Variants in RAE1 observed in about 807,000 individuals in gnomAD.
The protein encoded by RAE1 is ribonucleic acid export 1.
In RAE1, 13 loss-of-function variants were observed where a neutral mutation model predicts 52.7. The observed-to-expected ratio is 0.25, with a 90% confidence interval of 0.16 to 0.39. The LOEUF is 0.39. RAE1 is among the 10% of genes least tolerant of loss of function. The probability of loss-of-function intolerance (pLI) is 1.00; values close to 1 mark genes in which losing one functional copy is unlikely to be tolerated. For missense variants in RAE1, 262 were observed against 459.8 expected (o/e 0.57, Z 3.93); for synonymous variants, 164 against 153.1 (o/e 1.07, Z -0.52).
chr20:57,367,187 T>C, intron 7 of RAE1, 108 bp downstream of exon 7: 1 of 962,044 alleles, frequency 1.0e-6, no homozygotes, highest in Admixed American at 2.5e-5. Flanking sequence ...AAAATCCTGC[T>C]AGCTTTAGTA....
chr20:57,369,502 C>T (rs2067004213), intron 8 of RAE1, among the ~76,000 whole-genome samples: 1 of 152,222 alleles, frequency 6.6e-6, no homozygotes, highest in South Asian at 2.1e-4. Context: ...TGCAGATCTC[C>T]CCACCAAAGA....
Position 57,378,603 on chromosome 20 carries a change from C to T in RAE1, c.*504C>T, listed in dbSNP as rs1271900273. 2 of 153,216 alleles carry T rather than the reference C, an allele frequency of 1.3e-5. No individual in the cohort carries two copies. Among genetic ancestry groups the T allele is most frequent in the African/African-American group, 4.8e-5 (2 of 41,472 alleles). 9.5% of individuals were successfully genotyped at this position (153,216 alleles called of 1,614,324 possible). ...GCAACCTTAGGGGAAAGGGAGTCCC[C>T]AGCTGCGCTCACTTCTGCTGCGCGG... On this transcript the variant is annotated 3_prime_UTR_variant, in exon 12 of 12. Transcript: ENST00000395841.
At position 57,375,801 on chromosome 20, in the gene RAE1, T is replaced by G. The variant is rs940336217; in HGVS notation, c.1020+1000T>G. Among the ~76,000 whole-genome samples the G allele has an allele frequency of 2.6e-5, 4 of 152,354 alleles. No homozygotes were observed. In the South Asian group the frequency reaches 8.3e-4, roughly 32 times the overall value. ...CCAGTCCAGAAGCTTCCTTTCTGTC[T>G]GTGCCGGTCACTCACCCGTCCCTTC... On this transcript the variant is annotated intron_variant, in intron 11 of 11. Transcript: ENST00000395841.
intron 3 of RAE1, among the ~76,000 whole-genome samples, 174 bp from the exon 4 acceptor site, chr20:57,356,272 A>G (rs978965363): frequency 1.3e-5 from 2 of 152,384 alleles, no homozygotes; most frequent in Non-Finnish European, 2.9e-5. Flanking sequence ...AGCTTAGGCG[A>G]AGAAAACAGT....
intron 5 of RAE1, among the ~76,000 whole-genome samples, chr20:57,365,781 T>C (rs890018781): frequency 3.3e-5 from 5 of 152,224 alleles, no homozygotes; most frequent in Non-Finnish European, 5.9e-5. Flanking sequence ...ATGGCTGGTC[T>C]TCTACCAACT....
chr20:57,374,838 C>T, intron 11 of RAE1, 37 bp downstream of exon 11: 10 of 1,609,602 alleles, frequency 6.2e-6, no homozygotes, highest in Non-Finnish European at 8.5e-6. Flanking sequence ...TGCTCCAAGG[C>T]AGCAGAGCCA....
intron 1 of RAE1, 110 bp from the exon 2 acceptor site, chr20:57,353,922 T>C: frequency 1.1e-6 from 1 of 918,384 alleles, no homozygotes; most frequent in South Asian, 1.6e-5. Context: ...AAGTGAAGCC[T>C]GGCCTCAAGC....
intron 4 of RAE1, chr20:57,358,653 T>C (rs535571228): frequency 4.8e-6 from 1 of 207,608 alleles, no homozygotes; most frequent in South Asian, 1.8e-4. Context: ...AAACTCTTAA[T>C]AGCGGCTACA....
At chr20:57,351,464 A>G (rs1479038644) in intron 1 of RAE1, 42 bp downstream of exon 1, 3 of 985,306 alleles carry the variant, frequency 3.0e-6, no homozygotes, top group African/African-American at 1.7e-5. Context: ...AACCGCCGCC[A>G]TGGCTCCCGC....
At chr20:57,351,700 A>C in intron 1 of RAE1, 1 of 985,364 alleles carries the variant, frequency 1.0e-6, no homozygotes. Flanking sequence ...CCTCCCCCTT[A>C]CACGTCTGGC....
intron 1 of RAE1, among the ~76,000 whole-genome samples, chr20:57,353,126 G>A (rs1253160094): frequency 6.6e-6 from 1 of 152,218 alleles, no homozygotes; most frequent in African/African-American, 2.4e-5. Flanking sequence ...GACTGGTATG[G>A]AGGACTTTTC....
chr20:57,369,438 A>C lies in RAE1; in HGVS notation c.642+626A>C, dbSNP rs1047946722. On this transcript the variant is annotated intron_variant, in intron 8 of 11. Transcript: ENST00000395841. ...CAGTTAATCTTCCCTAATCAGGACA[A>C]GGGAAGGGCCTTGGAGAAAGCCTGG... 2.6e-5 allele frequency among the ~76,000 whole-genome samples: 4 copies of C among 152,350 alleles called. No homozygotes were observed. The East Asian group carries it at 7.7e-4, about 29-fold the overall frequency.
At chr20:57,354,002 C>G in intron 1 of RAE1, 30 bp from the exon 2 acceptor site, 1 of 1,572,118 alleles carries the variant, frequency 6.4e-7, no homozygotes, top group Non-Finnish European at 8.7e-7. Context: ...AAGAGAAAAC[C>G]CATCCTTAAC....
In RAE1 at chr20:57,378,462, G is replaced by C. The variant is rs1477567657; in HGVS notation, c.*363G>C. 5.3e-6 allele frequency: 1 copy of C among 187,900 alleles called. No homozygotes were observed. The highest frequency in any genetic ancestry group is 2.3e-5 in the African/African-American group (1 of 42,802). 11.6% of individuals were successfully genotyped at this position (187,900 alleles called of 1,614,324 possible). A position where few individuals can be genotyped will look rare whatever the true frequency, so the allele number is the denominator to read the frequency against. On this transcript the variant is annotated 3_prime_UTR_variant, in exon 12 of 12. Transcript: ENST00000395841. ...TAAAGTCTTTTGCAGATTGCTTCCC[G>C]AGCTTCCTTTGTCCTTTTCTCCCCT...
rs775576294 is a variant in RAE1, at chr20:57,374,699, A to G, written c.918A>G (p.Thr306=). 13 of 1,614,234 alleles carry G rather than the reference A, an allele frequency of 8.1e-6. No individual in the cohort carries two copies. The highest frequency in any genetic ancestry group is 7.6e-6 in the Non-Finnish European group (9 of 1,180,026). ...RFSFWDKDAR[T]KLKTSEQLDQ... Reference sequence around the variant, plus strand: ...GCTTCTGGGACAAAGATGCCAGAACAAAACTAAAAACTTCGGAACAGTTAG... The same window carrying G: ...GCTTCTGGGACAAAGATGCCAGAACGAAACTAAAAACTTCGGAACAGTTAG... The change falls in exon 11 of 12, where the codon ACA becomes ACG. Residue 306 remains threonine, a synonymous_variant. Coordinates refer to ENST00000395841, the MANE Select transcript of RAE1 (RefSeq NM_003610.4).
At position 57,375,019 on chromosome 20, in the gene RAE1, C is replaced by T. The variant is rs146444668; in HGVS notation, c.1020+218C>T. 356 of 712,828 alleles carry T rather than the reference C, an allele frequency of 5.0e-4. No individual in the cohort carries two copies. In the African/African-American group the frequency reaches 5.2e-3, roughly 10 times the overall value. The allele number at this position is 712,828 out of a possible 1,614,324, so 44.2% of individuals were successfully genotyped here. A position where few individuals can be genotyped will look rare whatever the true frequency, so the allele number is the denominator to read the frequency against. On this transcript the variant is annotated intron_variant, in intron 11 of 11. Transcript: ENST00000395841. The stretch of plus-strand genomic sequence containing the variant: ...CAGAACCCAGCACACAGGAAGTGCT[C>T]GGCCAGTGTGAGCCATTACGGGCTG...
intron 11 of RAE1, among the ~76,000 whole-genome samples, chr20:57,377,764 A>C (rs1600732663): frequency 6.6e-6 from 1 of 152,122 alleles, no homozygotes; most frequent in Non-Finnish European, 1.5e-5. Flanking sequence ...TTGAAAAGGA[A>C]CTCACAGGTT....
Position 57,378,101 on chromosome 20 carries a change from G to A in RAE1, c.*2G>A, listed in dbSNP as rs2067142064. 6.2e-7 allele frequency: 1 copy of A among 1,604,232 alleles called. No individual in the cohort carries two copies. On this transcript the variant is annotated 3_prime_UTR_variant, in exon 12 of 12. Transcript: ENST00000395841. ...CTAAAGCCCAGGAATAAGAAGTAGT[G>A]GCTGGAGACTCTGGCTCAGCCAGAG... is the stretch of plus-strand genomic sequence containing the variant.
chr20:57,377,917 C>T, intron 11 of RAE1, 96 bp from the exon 12 acceptor site: 2 of 789,426 alleles, frequency 2.5e-6, no homozygotes, highest in Non-Finnish European at 4.0e-6. Flanking sequence ...TATATGTTTC[C>T]AGTATTGTAG....
Sources: allele counts gnomAD v4.1 joint callset (sites outside exome capture counted in the v4.1 genomes callset), GRCh38; gene constraint gnomAD v4.1.1; transcripts MANE v1.5; gene names NCBI Gene and HGNC (gene_info 2026-07-23, HGNC 2026-07-21).